The following SAAL1 variants were observed in gnomAD, a reference collection of about 807,000 sequenced individuals.
The protein encoded by SAAL1 is protein SAAL1.
A neutral mutation model predicts 59.8 loss-of-function variants in SAAL1; 42 were observed. The ratio of observed to expected loss-of-function variants is 0.70; its 90% confidence interval spans 0.55 to 0.91. The LOEUF (loss-of-function observed/expected upper bound fraction) is 0.91, where lower values mean the gene tolerates loss of function less well. Ranked by LOEUF, SAAL1 falls within the 40% of genes least tolerant of loss-of-function variation. SAAL1 has a pLI of 0.00. For missense variants in SAAL1, 542 were observed against 561.1 expected (o/e 0.97, Z 0.34); for synonymous variants, 191 against 194.3 (o/e 0.98, Z 0.14).
chr11:18,087,928 G>A (rs535456795), intron 7 of SAAL1, among the ~76,000 whole-genome samples: 94 of 152,266 alleles, frequency 6.2e-4, no homozygotes, highest in African/African-American at 2.2e-3. Flanking sequence ...TTCCAAGTGG[G>A]GTAATTACAA....
chr11:18,090,993 A>T (rs1277161593), intron 4 of SAAL1: 1 of 152,450 alleles, frequency 6.6e-6, no homozygotes, highest in East Asian at 1.9e-4. Context: ...AGATCTACCC[A>T]TGTTGTTTCT....
intron 2 of SAAL1, among the ~76,000 whole-genome samples, chr11:18,101,586 C>T (rs1848634338): frequency 6.6e-6 from 1 of 152,134 alleles, no homozygotes. Flanking sequence ...TCAATTAAAC[C>T]TCTTTCCTTC....
At chr11:18,097,205 C>G (rs2134063122) in intron 2 of SAAL1, among the ~76,000 whole-genome samples, 1 of 151,884 alleles carries the variant, frequency 6.6e-6, no homozygotes, top group East Asian at 1.9e-4. Flanking sequence ...CCACTGCACT[C>G]CAGCCTGGGT....
intron 10 of SAAL1, among the ~76,000 whole-genome samples, chr11:18,082,878 T>C (rs1193868979): frequency 2.0e-5 from 3 of 152,188 alleles, no homozygotes; most frequent in Non-Finnish European, 4.4e-5. Context: ...GTGATCCACC[T>C]GCCTCAGCCT....
At position 18,090,223 on chromosome 11, in the gene SAAL1, G is replaced by A. The variant is rs1366447247; in HGVS notation, c.541C>T (p.Pro181Ser). 1 of 1,607,878 alleles carries A rather than the reference G, an allele frequency of 6.2e-7. No homozygotes were observed. The highest frequency in any genetic ancestry group is 8.5e-7 in the Non-Finnish European group (1 of 1,178,334). ...SVWVERIQEH[P>S]AIYDSICFIM... ...AAGCAAATGCTATCATAAATAGCTG[G>A]ATGTTCCTGGATCCTTTCAACCCAA... is the stretch of plus-strand genomic sequence containing the variant. The change falls in exon 6 of 12, where the codon CCA becomes TCA. Residue 181 changes from proline to serine, a missense_variant. Physicochemically the swap from Pro to Ser is moderately conservative, Grantham distance 74 (BLOSUM62 -1). Transcript: ENST00000524803.
chr11:18,085,895 T>C (rs1267154871), intron 9 of SAAL1, among the ~76,000 whole-genome samples: 1 of 152,066 alleles, frequency 6.6e-6, no homozygotes, highest in Non-Finnish European at 1.5e-5. Flanking sequence ...GAAAAAAAAT[T>C]AAAGCCACAC....
chr11:18,099,358 A>C (rs181504998), intron 2 of SAAL1, among the ~76,000 whole-genome samples: 1 of 152,326 alleles, frequency 6.6e-6, no homozygotes, highest in Admixed American at 6.5e-5. Context: ...TTTCTGAAAA[A>C]CCTAATAGGC....
intron 2 of SAAL1, among the ~76,000 whole-genome samples, chr11:18,102,493 T>A (rs532213288): frequency 4.6e-5 from 7 of 152,168 alleles, no homozygotes; most frequent in Non-Finnish European, 7.4e-5. Flanking sequence ...ATAAAATGAC[T>A]GAAACAATGA....
chr11:18,089,567 TTAAGCAAAATTCC>T (rs1481940914), intron 6 of SAAL1, 57 bp from the exon 7 acceptor site: 86 of 1,489,296 alleles, frequency 5.8e-5, no homozygotes, highest in Non-Finnish European at 7.2e-5. Flanking sequence ...AGCAATAGGG[TTAAGCAAAATTCC>T]TAAAGCTATT....
intron 10 of SAAL1, 159 bp from the exon 11 acceptor site, chr11:18,081,662 A>G: frequency 1.6e-6 from 1 of 609,188 alleles, no homozygotes; most frequent in Non-Finnish European, 2.9e-6. Flanking sequence ...ATGTAACCCA[A>G]ACATGTTCTC....
At chr11:18,084,332 T>C (rs1268189902) in intron 9 of SAAL1, among the ~76,000 whole-genome samples, 1 of 152,178 alleles carries the variant, frequency 6.6e-6, no homozygotes, top group Admixed American at 6.5e-5. Context: ...CCCATATTTC[T>C]CATCAAAACA....
At chr11:18,086,570 G>A (rs181815868) in intron 9 of SAAL1, among the ~76,000 whole-genome samples, 1 of 151,946 alleles carries the variant, frequency 6.6e-6, no homozygotes, top group Non-Finnish European at 1.5e-5. Flanking sequence ...GCATAGTGGT[G>A]TGCGCCTGTA....
intron 2 of SAAL1, among the ~76,000 whole-genome samples, chr11:18,098,091 G>T (rs1848596601): frequency 6.6e-6 from 1 of 152,184 alleles, no homozygotes; most frequent in South Asian, 2.1e-4. Flanking sequence ...AGGGTGCAGT[G>T]AGCTGAGATC....
chr11:18,103,204 T>C (rs1270089619), intron 2 of SAAL1, 29 bp downstream of exon 2: 1 of 1,417,326 alleles, frequency 7.1e-7, no homozygotes, highest in East Asian at 2.3e-5. Flanking sequence ...CACCCAACAG[T>C]CTTCAGAGTT....
At chr11:18,084,085 T>G (rs974370753) in intron 9 of SAAL1, among the ~76,000 whole-genome samples, 2 of 152,178 alleles carry the variant, frequency 1.3e-5, no homozygotes, top group African/African-American at 2.4e-5. Context: ...GCTTGTAATC[T>G]GAGCAGTTTG....
chr11:18,093,546 T>C (rs933071073), intron 3 of SAAL1, among the ~76,000 whole-genome samples: 1 of 152,206 alleles, frequency 6.6e-6, no homozygotes, highest in African/African-American at 2.4e-5. Flanking sequence ...AGTTAATTAA[T>C]ATGTAATAAC....
chr11:18,086,128 G>T (rs979462336), intron 9 of SAAL1, among the ~76,000 whole-genome samples: 4 of 152,208 alleles, frequency 2.6e-5, no homozygotes, highest in Admixed American at 1.3e-4. Context: ...TTTCGGCAGG[G>T]TGCAGTGGCT....
At chr11:18,104,498 A>G (rs1848668398) in intron 1 of SAAL1, among the ~76,000 whole-genome samples, 1 of 151,480 alleles carries the variant, frequency 6.6e-6, no homozygotes, top group South Asian at 2.1e-4. Context: ...AGGGATAGTC[A>G]TATTAGAAAA....
At chr11:18,084,722 T>C (rs1218509121) in intron 9 of SAAL1, among the ~76,000 whole-genome samples, 1 of 152,216 alleles carries the variant, frequency 6.6e-6, no homozygotes, top group East Asian at 1.9e-4. Flanking sequence ...AAACTCTTAA[T>C]AAAATAGAAA....
Sources: gnomAD v4.1 joint callset for allele counts (sites outside exome capture counted in the v4.1 genomes callset) on GRCh38, gnomAD v4.1.1 for gene constraint, MANE v1.5 for transcripts, NCBI Gene and HGNC (gene_info 2026-07-23, HGNC 2026-07-21) for gene names.